Variants in SVEP1 observed in about 807,000 individuals in gnomAD.
SVEP1 encodes the protein sushi, von Willebrand factor type A, EGF and pentraxin domain containing 1, also known as sushi, von Willebrand factor type A, EGF and pentraxin domain-containing protein 1.
A neutral mutation model predicts 367.3 loss-of-function variants in SVEP1; 164 were observed. That is an observed-to-expected ratio of 0.45 (90% confidence interval 0.39 to 0.51). SVEP1 has a LOEUF of 0.51. SVEP1 is among the 20% of genes least tolerant of loss of function. SVEP1 has a pLI of 0.00. For synonymous variants in SVEP1, 1,666 were observed against 1,611.6 expected (o/e 1.03, Z -0.81); for missense variants, 4,117 against 4,425.3 (o/e 0.93, Z 1.98).
intron 43 of SVEP1, among the ~76,000 whole-genome samples, chr9:110,384,034 G>A (rs911948597): frequency 2.6e-5 from 4 of 152,152 alleles, no homozygotes; most frequent in African/African-American, 9.7e-5. Context: ...GTCATCTTAG[G>A]CAGCAGGCAG....
At chr9:110,518,355 G>C (rs912611134) in intron 3 of SVEP1, among the ~76,000 whole-genome samples, 1 of 151,804 alleles carries the variant, frequency 6.6e-6, no homozygotes, top group African/African-American at 2.4e-5. Flanking sequence ...CTGGGAGACG[G>C]AGGTTGCAGT....
At chr9:110,488,694 C>T (rs756221519) in intron 9 of SVEP1, among the ~76,000 whole-genome samples, 4 of 147,724 alleles carry the variant, frequency 2.7e-5, no homozygotes, top group African/African-American at 7.3e-5. Flanking sequence ...GACCTTGTCT[C>T]TACAAAAAAA....
In SVEP1 at chr9:110,389,585, C is replaced by G. The variant is rs780480543; in HGVS notation, c.9825G>C (p.Gly3275=). 6 of 1,613,620 alleles carry G rather than the reference C, an allele frequency of 3.7e-6. No homozygotes were observed. The Admixed American group carries it at 6.7e-5, about 18-fold the overall frequency. The change falls in exon 41 of 48, where the codon GGG becomes GGC. Residue 3275 remains glycine, a splice_region_variant and synonymous_variant. Coordinates refer to ENST00000374469, the MANE Select transcript of SVEP1 (RefSeq NM_153366.4). ...TCTCCTGGCAGACACGTTCCCTGTTCCCCTGTGAAACAATGGAGAAAGGTC... is the reference window on the plus strand; with the variant it reads ...TCTCCTGGCAGACACGTTCCCTGTTGCCCTGTGAAACAATGGAGAAAGGTC... ...YQCEPGYELE[G]NRERVCQENR...
intron 1 of SVEP1, among the ~76,000 whole-genome samples, chr9:110,574,448 G>C (rs10817041): frequency 0.31 from 47,427 of 152,070 alleles, 8,813 homozygotes; most frequent in East Asian, 0.57. Flanking sequence ...ACACACGTGG[G>C]AATCTGACAA....
chr9:110,478,827 C>T (rs976509095), intron 13 of SVEP1, among the ~76,000 whole-genome samples: 3 of 151,924 alleles, frequency 2.0e-5, no homozygotes, highest in East Asian at 1.9e-4. Flanking sequence ...AAAGTGCTAC[C>T]GAGTCTGCAG....
rs115612629 is a variant in SVEP1, at chr9:110,518,925, C to T, written c.965-4819G>A. Among the ~76,000 whole-genome samples the T allele has an allele frequency of 6.3e-3, 959 of 152,166 alleles. 11 individuals are homozygous for T. Among genetic ancestry groups the T allele is most frequent in the African/African-American group, 0.022 (918 of 41,514 alleles). On this transcript the variant is annotated intron_variant, in intron 3 of 47. Coordinates refer to ENST00000374469, the MANE Select transcript of SVEP1 (RefSeq NM_153366.4). ...TAAAGCCTGTACCAACCAGATAAGC[C>T]CCTCTCTCTTTAGCCTGGAATATAA...
intron 6 of SVEP1, among the ~76,000 whole-genome samples, chr9:110,502,103 ATTT>A (rs35353042): frequency 2.9e-5 from 4 of 135,794 alleles, no homozygotes; most frequent in African/African-American, 2.7e-5. Flanking sequence ...AGTTCTTAGA[ATTT>A]TTTTTTTTTT....
chr9:110,466,045 T>C lies in SVEP1; in HGVS notation c.3161-19A>G, dbSNP rs1246009735. 1.0e-5 allele frequency: 16 copies of C among 1,605,646 alleles called. No individual in the cohort carries two copies. The highest frequency in any genetic ancestry group is 1.3e-5 in the Non-Finnish European group (15 of 1,174,062). On this transcript the variant is annotated intron_variant, in intron 17 of 47. Transcript: ENST00000374469. ...CACTGAGCTGAAAAGAAAAAGGTAA[T>C]ATTACTATCAATAATGATATTAAGC...
chr9:110,470,250 G>A (rs1828995381), intron 16 of SVEP1, among the ~76,000 whole-genome samples: 1 of 152,052 alleles, frequency 6.6e-6, no homozygotes, highest in South Asian at 2.1e-4. Context: ...CTTTGAGGGT[G>A]ATGAAAATGT....
At position 110,466,010 on chromosome 9, in the gene SVEP1, G is replaced by A; in HGVS notation, c.3177C>T (p.Gly1059=). The change falls in exon 18 of 48, where the codon GGC becomes GGT. Residue 1059 remains glycine, a synonymous_variant. Coordinates refer to ENST00000374469, the MANE Select transcript of SVEP1 (RefSeq NM_153366.4). The part of the protein sequence containing the change: ...ISDCKAQCKQ[G]TYSYSGLETC... ...TCTCAAGTCCACTGTATGAGTAGGT[G>A]CCTTGTTTACACTGAGCTGAAAAGA... The A allele has an allele frequency of 6.2e-7, 1 of 1,613,224 alleles. No homozygotes were observed. The highest frequency in any genetic ancestry group is 1.7e-5 in the Admixed American group (1 of 59,934).
intron 12 of SVEP1, 118 bp from the exon 13 acceptor site, chr9:110,479,874 T>C (rs1829159190): frequency 7.1e-7 from 1 of 1,409,594 alleles, no homozygotes; most frequent in South Asian, 1.3e-5. Flanking sequence ...GGGATTGTTA[T>C]AAAAACAAGA....
chr9:110,530,324 T>G (rs1588094727), intron 3 of SVEP1, among the ~76,000 whole-genome samples: 1 of 152,248 alleles, frequency 6.6e-6, no homozygotes, highest in African/African-American at 2.4e-5. Context: ...AAACTACATT[T>G]TGGAAATTGG....
intron 17 of SVEP1, among the ~76,000 whole-genome samples, chr9:110,468,276 A>C (rs553331207): frequency 9.4e-4 from 143 of 152,332 alleles, no homozygotes; most frequent in African/African-American, 3.3e-3. Context: ...TTTTATGTTT[A>C]AAAGAAAGAA....
chr9:110,407,434 AGCAGTAG>A lies in SVEP1; in HGVS notation c.8159_8165del (p.Pro2720LeufsTer28). 1 of 1,614,022 alleles carries A rather than the reference AGCAGTAG, an allele frequency of 6.2e-7. No homozygotes were observed. The highest frequency in any genetic ancestry group is 8.5e-7 in the Non-Finnish European group (1 of 1,179,896). ...TAAAACGCAAAAAGCCATTTTCAGG[AGCAGTAG>A]GCAAGTCACATTCAATTGAAATGCA... On this transcript the variant is annotated frameshift_variant, in exon 38 of 48. Transcript: ENST00000374469. LOFTEE classifies it high-confidence loss of function.
chr9:110,404,232 T>G, intron 39 of SVEP1, 95 bp downstream of exon 39: 1 of 1,237,318 alleles, frequency 8.1e-7, no homozygotes, highest in Non-Finnish European at 1.1e-6. Flanking sequence ...ACTTCAGACT[T>G]TTTTTTCTTT....
chr9:110,533,780 C>T (rs967237491), intron 3 of SVEP1, among the ~76,000 whole-genome samples: 3 of 152,186 alleles, frequency 2.0e-5, no homozygotes, highest in African/African-American at 7.2e-5. Context: ...CTAAACTTGG[C>T]TAATCATGTA....
chr9:110,450,816 G>A (rs1380528353), intron 23 of SVEP1, among the ~76,000 whole-genome samples: 1 of 152,018 alleles, frequency 6.6e-6, no homozygotes, highest in Non-Finnish European at 1.5e-5. Flanking sequence ...TTGAAATTAA[G>A]TTTGGTAATA....
At chr9:110,403,296 GTTTT>G (rs71371665) in intron 39 of SVEP1, among the ~76,000 whole-genome samples, 2 of 43,458 alleles carry the variant, frequency 4.6e-5, no homozygotes, top group African/African-American at 2.4e-4. Context: ...CGCCACCGCC[GTTTT>G]TTTTTTTTTT....
intron 46 of SVEP1, 117 bp from the exon 47 acceptor site, chr9:110,370,133 C>T (rs1827254936): frequency 1.2e-6 from 1 of 849,924 alleles, no homozygotes; most frequent in Non-Finnish European, 1.9e-6. Flanking sequence ...TGCTGGTCTT[C>T]ATATACCGTT....
Sources: gnomAD v4.1 joint callset for allele counts (sites outside exome capture counted in the v4.1 genomes callset) on GRCh38, gnomAD v4.1.1 for gene constraint, MANE v1.5 for transcripts, NCBI Gene and HGNC (gene_info 2026-07-23, HGNC 2026-07-21) for gene names.